FOXK1: variants seen among roughly 807,000 people sequenced by gnomAD.
FOXK1 encodes the protein forkhead box protein K1.
FOXK1 carries 19 observed loss-of-function variants against 51.9 expected under a neutral mutation model. The observed-to-expected ratio is 0.37, with a 90% CI of 0.26 to 0.54. The LOEUF (loss-of-function observed/expected upper bound fraction) is 0.54. FOXK1 is among the 20% of genes least tolerant of loss of function. The pLI, the probability that FOXK1 is intolerant of heterozygous loss-of-function variation, is 0.87. For missense variants in FOXK1, 870 were observed against 1,032.7 expected (o/e 0.84, Z 2.16); for synonymous variants, 537 against 482.6 (o/e 1.11, Z -1.48).
chr7:4,746,664 G>A (rs1780706464), intron 2 of FOXK1, among the ~76,000 whole-genome samples: 1 of 152,160 alleles, frequency 6.6e-6, no homozygotes, highest in African/African-American at 2.4e-5. Context: ...CTCCAACCTG[G>A]GCAACAGAGC....
chr7:4,740,247 A>G (rs1023857213), intron 1 of FOXK1, among the ~76,000 whole-genome samples: 4 of 151,934 alleles, frequency 2.6e-5, no homozygotes, highest in Admixed American at 2.0e-4. Context: ...TGGCTAACAC[A>G]GTGAAACCCC....
chr7:4,728,499 CTA>C (rs1780409074), intron 1 of FOXK1, among the ~76,000 whole-genome samples: 1 of 152,166 alleles, frequency 6.6e-6, no homozygotes, highest in Non-Finnish European at 1.5e-5. Flanking sequence ...CTCGTGTGCA[CTA>C]AAGTGCACGT....
At chr7:4,724,988 G>A (rs1178872364) in intron 1 of FOXK1, among the ~76,000 whole-genome samples, 1 of 152,226 alleles carries the variant, frequency 6.6e-6, no homozygotes, top group Non-Finnish European at 1.5e-5. Flanking sequence ...GAGGAGAAGT[G>A]GGTTTGGGGG....
intron 1 of FOXK1, among the ~76,000 whole-genome samples, chr7:4,732,981 T>A (rs1389221550): frequency 6.6e-6 from 1 of 152,224 alleles, no homozygotes; most frequent in Non-Finnish European, 1.5e-5. Flanking sequence ...TAAGACGACA[T>A]TCCTGTCCTT....
rs560779679 is a variant in FOXK1, at chr7:4,740,924, G to A, written c.647G>A (p.Arg216Gln). The change falls in exon 2 of 9, where the codon CGG becomes CAG. Residue 216 changes from arginine (R) to glutamine (Q), a missense_variant. Arg to Gln is a conservative substitution (Grantham distance 43). Around this residue, in one of 3 missense-constraint regions of FOXK1, gnomAD observed 399 missense variants for 475.6 expected, o/e 0.84. Coordinates refer to ENST00000328914, the MANE Select transcript of FOXK1 (RefSeq NM_001037165.2). ...HKEEAPASPL[R>Q]PLYPQISPLK... ...GAAGAGGCCCCAGCCTCCCCGCTGC[G>A]GCCACTGTACCCCCAGATCTCCCCT... 1.6e-5 allele frequency: 25 copies of A among 1,585,670 alleles called. No homozygotes were observed. The highest frequency in any genetic ancestry group is 1.4e-4 in the Admixed American group (8 of 55,596).
In FOXK1 at chr7:4,709,480, AC is replaced by A. The variant is rs1421899596; in HGVS notation, c.560+26616del. 1.8e-4 allele frequency among the ~76,000 whole-genome samples: 28 copies of A among 151,762 alleles called. No individual in the cohort carries two copies. The highest frequency in any genetic ancestry group is 3.4e-3 in the Middle Eastern group (1 of 294). ...TCTCCGAGCAGATCGAGGCTGGCCC[AC>A]CCCTGCTGGCCCGCGACCCCTGCTG... On this transcript the variant is annotated intron_variant, in intron 1 of 8. Transcript: ENST00000328914. This position sits in a 1 kb window ranked among gnomAD's most constrained non-coding sequence, Gnocchi z 5.6.
intron 7 of FOXK1, chr7:4,759,945 C>A: frequency 3.1e-6 from 1 of 320,476 alleles, no homozygotes; most frequent in Non-Finnish European, 5.8e-6. Context: ...GGAGGAGAAT[C>A]GCTTGAAGCC....
At chr7:4,705,903 G>A (rs1780084136) in intron 1 of FOXK1, among the ~76,000 whole-genome samples, 2 of 146,704 alleles carry the variant, frequency 1.4e-5, no homozygotes, top group South Asian at 4.3e-4. Context: ...TCAGCTTTTA[G>A]GTTATATATC....
chr7:4,726,401 T>C (rs1229803377), intron 1 of FOXK1, among the ~76,000 whole-genome samples: 3 of 152,098 alleles, frequency 2.0e-5, no homozygotes, highest in Non-Finnish European at 4.4e-5. Context: ...TGGCAGATCA[T>C]TTGAAGTCAG....
Position 4,759,533 on chromosome 7 carries a change from C to T in FOXK1, c.1634C>T (p.Ala545Val), listed in dbSNP as rs1003844502. ...ANGYILTSQG[A>V]AGGSHDAAGA... ...GGATACATCCTCACCAGCCAGGGCG[C>T]GGCGGGGGGCTCCCATGATGCGGCG... The change falls in exon 7 of 9, where the codon GCG becomes GTG. Residue 545 changes from alanine (A) to valine (V), a missense_variant. Ala to Val is a moderately conservative substitution (Grantham distance 64). Coordinates refer to ENST00000328914, the MANE Select transcript of FOXK1 (RefSeq NM_001037165.2). 9.6e-6 allele frequency: 15 copies of T among 1,559,076 alleles called. No individual in the cohort carries two copies. The highest frequency in any genetic ancestry group is 1.3e-5 in the Non-Finnish European group (15 of 1,158,686).
intron 2 of FOXK1, among the ~76,000 whole-genome samples, 196 bp downstream of exon 2, chr7:4,741,219 C>T (rs2078923133): frequency 6.6e-6 from 1 of 152,174 alleles, no homozygotes; most frequent in Non-Finnish European, 1.5e-5. Flanking sequence ...AAATCACTGC[C>T]TGATCATCAC....
chr7:4,731,814 C>A lies in FOXK1; in HGVS notation c.561-9024C>A, dbSNP rs542699527. 1.4e-3 allele frequency among the ~76,000 whole-genome samples: 216 copies of A among 151,990 alleles called. No homozygotes were observed. Among genetic ancestry groups the A allele is most frequent in the African/African-American group, 4.9e-3 (205 of 41,448 alleles). ...GGCCTGCTTATAACACCATCCTTAT[C>A]CTGGGCTGTTTTCCTTTGTCCTTCC... On this transcript the variant is annotated intron_variant, in intron 1 of 8. Coordinates refer to ENST00000328914, the MANE Select transcript of FOXK1 (RefSeq NM_001037165.2). This position sits in a 1 kb window ranked among gnomAD's most constrained non-coding sequence, Gnocchi z 5.3.
At position 4,747,405 on chromosome 7, in the gene FOXK1, G is replaced by T. The variant is rs1471946065; in HGVS notation, c.746+6382G>T. ...GAGGTCTATGCCTAACATGAGAGCA[G>T]CTCCTGTTGAAGCCACCATGCTGGT... On this transcript the variant is annotated intron_variant, in intron 2 of 8. Coordinates refer to ENST00000328914, the MANE Select transcript of FOXK1 (RefSeq NM_001037165.2). The surrounding 1 kb of genome is among the most constrained non-coding windows in gnomAD (Gnocchi z 9.2). Among the ~76,000 whole-genome samples the T allele has an allele frequency of 6.6e-6, 1 of 152,242 alleles. No homozygotes were observed. The highest frequency in any genetic ancestry group is 2.4e-5 in the African/African-American group (1 of 41,470).
At chr7:4,757,664 A>G (rs13308727) in intron 5 of FOXK1, among the ~76,000 whole-genome samples, 2 of 146,464 alleles carry the variant, frequency 1.4e-5, no homozygotes, top group East Asian at 2.0e-4. Flanking sequence ...AAAAAAAAAA[A>G]GTAATACAAA....
intron 1 of FOXK1, among the ~76,000 whole-genome samples, chr7:4,689,904 G>A (rs1457709897): frequency 6.6e-6 from 1 of 152,184 alleles, no homozygotes; most frequent in Non-Finnish European, 1.5e-5. Flanking sequence ...CTTGGCTGGT[G>A]CAGGAGTGGG....
intron 1 of FOXK1, among the ~76,000 whole-genome samples, chr7:4,700,242 G>C (rs527823749): frequency 1.3e-5 from 2 of 152,194 alleles, no homozygotes; most frequent in African/African-American, 4.8e-5. Flanking sequence ...CATAGCCTCA[G>C]TACATACCAA....
chr7:4,726,855 G>A (rs1780387460), intron 1 of FOXK1, among the ~76,000 whole-genome samples: 1 of 152,190 alleles, frequency 6.6e-6, no homozygotes, highest in African/African-American at 2.4e-5. Context: ...AGAGAAGTGG[G>A]ATATTTTGGT....
intron 1 of FOXK1, among the ~76,000 whole-genome samples, chr7:4,698,145 T>A (rs1779976585): frequency 6.6e-6 from 1 of 152,018 alleles, no homozygotes; most frequent in African/African-American, 2.4e-5. Flanking sequence ...ATTAAAATTT[T>A]ACGTTTTGAA....
At chr7:4,725,761 T>A (rs1423190066) in intron 1 of FOXK1, among the ~76,000 whole-genome samples, 4 of 152,252 alleles carry the variant, frequency 2.6e-5, no homozygotes, top group Non-Finnish European at 4.4e-5. Context: ...CGGGCTGGGC[T>A]GCCCTGTAGG....
Sources: gnomAD v4.1 joint callset for allele counts (sites outside exome capture counted in the v4.1 genomes callset) on GRCh38, gnomAD v4.1.1 for gene constraint, gnomAD v4.1.1 regional missense constraint, Gnocchi (gnomAD v3.1) non-coding constraint, MANE v1.5 for transcripts, NCBI Gene and HGNC (gene_info 2026-07-23, HGNC 2026-07-21) for gene names.